The following DAB1 variants were observed in gnomAD, a reference collection of about 807,000 sequenced individuals.
The protein encoded by DAB1 is disabled homolog 1.
Under a neutral mutation model 64.6 loss-of-function variants are expected in DAB1, and 15 were observed. The ratio of observed to expected loss-of-function variants is 0.23; its 90% confidence interval spans 0.16 to 0.36. The LOEUF (loss-of-function observed/expected upper bound fraction) is 0.36, where lower values mean the gene tolerates loss of function less well. Ranked by LOEUF, DAB1 falls within the 10% of genes least tolerant of loss-of-function variation. The pLI is 1.00. For synonymous variants in DAB1, 235 were observed against 251.9 expected (o/e 0.93, Z 0.64); for missense variants, 596 against 706.7 (o/e 0.84, Z 1.78).
At chr1:57,419,398 C>A (rs1037094805) in intron 1 of DAB1, among the ~76,000 whole-genome samples, 1 of 151,106 alleles carries the variant, frequency 6.6e-6, no homozygotes, top group Non-Finnish European at 1.5e-5. Flanking sequence ...AGAATAACTG[C>A]GGAAAAGTAA....
intron 6 of DAB1, among the ~76,000 whole-genome samples, chr1:57,810,170 C>T (rs1651550695): frequency 6.6e-6 from 1 of 152,050 alleles, no homozygotes; most frequent in Admixed American, 6.5e-5. Flanking sequence ...CTGAGGCTGG[C>T]ATTCAATTCT....
intron 2 of DAB1, among the ~76,000 whole-genome samples, chr1:57,231,160 A>G (rs1667647124): frequency 6.6e-6 from 1 of 152,194 alleles, no homozygotes; most frequent in South Asian, 2.1e-4. Context: ...AAAAAATTAT[A>G]AAAGCGAAGC....
At chr1:58,023,469 A>G (rs554330782) in intron 5 of DAB1, among the ~76,000 whole-genome samples, 2 of 152,154 alleles carry the variant, frequency 1.3e-5, no homozygotes, top group South Asian at 4.1e-4. Context: ...GGGTGTGGAT[A>G]TTGGTATTTT....
chr1:58,183,578 G>A (rs1013980488), intron 4 of DAB1, among the ~76,000 whole-genome samples: 16 of 151,892 alleles, frequency 1.1e-4, no homozygotes, highest in Admixed American at 3.3e-4. Flanking sequence ...TTTTAACAAT[G>A]CCCCTGGACA....
chr1:57,408,678 C>T (rs1035875041), intron 1 of DAB1, among the ~76,000 whole-genome samples: 4 of 152,146 alleles, frequency 2.6e-5, no homozygotes, highest in African/African-American at 9.7e-5. Flanking sequence ...GGATGGGATA[C>T]GGTAGGAGAA....
At chr1:57,548,010 C>CTGT (rs1248594357) in intron 7 of DAB1, among the ~76,000 whole-genome samples, 2 of 152,092 alleles carry the variant, frequency 1.3e-5, no homozygotes, top group African/African-American at 4.8e-5. Context: ...TTTTATCTAT[C>CTGT]TGTTCACAAT....
chr1:57,445,104 T>A (rs1686088456), intron 7 of DAB1, among the ~76,000 whole-genome samples: 1 of 152,176 alleles, frequency 6.6e-6, no homozygotes, highest in Admixed American at 6.5e-5. Flanking sequence ...AATAAGCATT[T>A]AAAAATGTTA....
rs1009338620 is a variant in DAB1 at position 58,290,728 on chromosome 1, G to A, written n.309+52624C>T. Among the ~76,000 whole-genome samples, 22 of 152,082 alleles carry A rather than the reference G, an allele frequency of 1.4e-4. 1 individual carries two copies. The highest frequency in any genetic ancestry group is 4.1e-4 in the African/African-American group (17 of 41,414). On this transcript the variant is annotated intron_variant and non_coding_transcript_variant, in intron 4 of 20. Transcript: ENST00000485760. ...TAGGGAGATCATTATTCATTTCTGG[G>A]TCTCTAATCCATTTTTGTTGAAATA...
intron 2 of DAB1, among the ~76,000 whole-genome samples, chr1:57,234,000 G>A (rs1463041386): frequency 6.6e-6 from 1 of 152,108 alleles, no homozygotes; most frequent in Non-Finnish European, 1.5e-5. Context: ...ACCACTCCAA[G>A]GTTAATGGTG....
intron 7 of DAB1, among the ~76,000 whole-genome samples, chr1:57,622,447 T>C (rs1645871229): frequency 6.6e-6 from 1 of 152,238 alleles, no homozygotes; most frequent in African/African-American, 2.4e-5. Context: ...TGATAGTCTA[T>C]CTTCTTATAC....
chr1:58,335,014 TAAAC>T (rs1663076907), intron 4 of DAB1, among the ~76,000 whole-genome samples: 1 of 151,978 alleles, frequency 6.6e-6, no homozygotes, highest in Admixed American at 6.6e-5. Flanking sequence ...AACAGCAAAA[TAAAC>T]AAGTAAATAT....
At chr1:58,451,003 A>G (rs1319412298) in intron 3 of DAB1, among the ~76,000 whole-genome samples, 4 of 152,232 alleles carry the variant, frequency 2.6e-5, no homozygotes, top group Non-Finnish European at 5.9e-5. Context: ...CAAGGTCAGG[A>G]AAAACAAGGA....
intron 4 of DAB1, among the ~76,000 whole-genome samples, chr1:58,218,312 G>T (rs771751437): frequency 2.6e-5 from 4 of 152,184 alleles, no homozygotes; most frequent in Non-Finnish European, 4.4e-5. Context: ...AGCCAGAGCC[G>T]CCTGGAGTAG....
intron 7 of DAB1, among the ~76,000 whole-genome samples, chr1:57,537,312 T>C (rs1424864336): frequency 6.6e-6 from 1 of 152,162 alleles, no homozygotes; most frequent in Non-Finnish European, 1.5e-5. Context: ...CTCCATTCTC[T>C]GGAAATTCTG....
chr1:57,106,729 A>G (rs1185941449), intron 4 of DAB1, among the ~76,000 whole-genome samples: 2 of 152,220 alleles, frequency 1.3e-5, no homozygotes, highest in East Asian at 3.8e-4. Context: ...GTAATAAAGG[A>G]ATAGTATTCA....
chr1:57,302,412 C>G (rs1673736535), intron 1 of DAB1, among the ~76,000 whole-genome samples: 1 of 152,142 alleles, frequency 6.6e-6, no homozygotes, highest in Non-Finnish European at 1.5e-5. Flanking sequence ...ACTCAAACTC[C>G]CCTGCACAGG....
At chr1:58,448,074 G>T (rs1050174830) in intron 3 of DAB1, among the ~76,000 whole-genome samples, 1 of 151,974 alleles carries the variant, frequency 6.6e-6, no homozygotes, top group African/African-American at 2.4e-5. Flanking sequence ...AACATTCTGG[G>T]GCAGAAAAGT....
At chr1:57,919,292 T>G (rs546422076) in intron 5 of DAB1, among the ~76,000 whole-genome samples, 58 of 152,318 alleles carry the variant, frequency 3.8e-4, no homozygotes, top group African/African-American at 1.4e-3. Flanking sequence ...GCTTAGGCCC[T>G]GTATTAATAG....
intron 1 of DAB1, among the ~76,000 whole-genome samples, chr1:57,400,208 T>C (rs1436657691): frequency 6.6e-6 from 1 of 152,134 alleles, no homozygotes. Flanking sequence ...TGTCTGCAAG[T>C]CCATGCAAGA....
Sources: allele counts gnomAD v4.1 joint callset (sites outside exome capture counted in the v4.1 genomes callset), GRCh38; gene constraint gnomAD v4.1.1; transcripts MANE v1.5; gene names NCBI Gene and HGNC (gene_info 2026-07-23, HGNC 2026-07-21).